Variants in TIAM2 observed in about 807,000 individuals in gnomAD.
TIAM2 encodes the protein TIAM Rac1 associated GEF 2.
Under a neutral mutation model 152.9 loss-of-function variants are expected in TIAM2, and 80 were observed. The ratio of observed to expected loss-of-function variants is 0.52; its 90% CI spans 0.44 to 0.63. The LOEUF is 0.63. Among genes scored for constraint, TIAM2 ranks in the 30% least tolerant of loss-of-function variants. The probability of loss-of-function intolerance (pLI) is 0.00; values close to 1 mark genes in which losing one functional copy is unlikely to be tolerated. For missense variants in TIAM2, 1,965 were observed against 2,120.1 expected, an observed-to-expected ratio of 0.93 and a Z score of 1.44; for synonymous variants, 804 against 838.0, an observed-to-expected ratio of 0.96 and a Z score of 0.70.
intron 9 of TIAM2, among the ~76,000 whole-genome samples, chr6:155,169,184 A>G (rs1163181481): frequency 6.6e-6 from 1 of 152,046 alleles, no homozygotes; most frequent in Non-Finnish European, 1.5e-5. Flanking sequence ...TTTAGTAGAC[A>G]TGGGGTTTCA....
At position 155,025,394 on chromosome 6, in the gene TIAM2, C is replaced by T. The variant is rs549082424; in HGVS notation, c.-209+29902C>T. ...ATTTTTAGTAGAGACGGGGTTTCACCGTGGTCTCAATCTCCTGACCTCGTG... is the reference window on the plus strand; with the variant it reads ...ATTTTTAGTAGAGACGGGGTTTCACTGTGGTCTCAATCTCCTGACCTCGTG... On this transcript the variant is annotated intron_variant, in intron 1 of 26. Coordinates refer to ENST00000682666, the MANE Select transcript of TIAM2 (RefSeq NM_012454.4). Among the ~76,000 whole-genome samples, 982 of 152,046 alleles carry T rather than the reference C, an allele frequency of 6.5e-3. 10 individuals are homozygous for T. Among genetic ancestry groups the T allele is most frequent in the Non-Finnish European group, 8.7e-3 (592 of 67,992 alleles).
chr6:155,002,673 T>TTTTATTTATTTATTTATTTATTTATTTA (rs140724297), intron 1 of TIAM2, among the ~76,000 whole-genome samples: 7,334 of 150,146 alleles, frequency 0.049, 313 homozygotes, highest in Admixed American at 0.13. Flanking sequence ...GCTTTGCTTG[T>TTTTATTTATTTATTTATTTATTTATTTA]TTTATTTATT....
chr6:155,108,224 C>T (rs544484172), intron 2 of TIAM2, among the ~76,000 whole-genome samples: 94 of 152,288 alleles, frequency 6.2e-4, no homozygotes, highest in African/African-American at 2.1e-3. Context: ...TCATCTCCAT[C>T]GGTGTATTGG....
Position 155,257,571 on chromosome 6 carries a change from A to AT in TIAM2, c.*455dup. On this transcript the variant is annotated 3_prime_UTR_variant, in exon 27 of 27. Coordinates refer to ENST00000682666, the MANE Select transcript of TIAM2 (RefSeq NM_012454.4). The stretch of plus-strand genomic sequence containing the variant: ...TAGGGGCAAAATGTGCAGATACTTC[A>AT]TTTTTGTAAGATAGATTGTAATAGA... The AT allele has an allele frequency of 2.8e-6, 1 of 361,248 alleles. No homozygotes were observed. Among genetic ancestry groups the AT allele is most frequent in the Non-Finnish European group, 4.5e-6 (1 of 222,864 alleles). The allele number at this position is 361,248 out of a possible 1,614,324, so 22.4% of individuals were successfully genotyped here. A position where few individuals can be genotyped will look rare whatever the true frequency, so the allele number is the denominator to read the frequency against.
intron 1 of TIAM2, among the ~76,000 whole-genome samples, chr6:155,065,882 A>G (rs1259638153): frequency 6.6e-6 from 1 of 152,188 alleles, no homozygotes; most frequent in Non-Finnish European, 1.5e-5. Flanking sequence ...GCACTGTTCA[A>G]GCCTGCTGGG....
chr6:155,100,332 G>A (rs1215930162), intron 2 of TIAM2, among the ~76,000 whole-genome samples: 1 of 152,214 alleles, frequency 6.6e-6, no homozygotes, highest in East Asian at 1.9e-4. Context: ...TTGCCTTGTT[G>A]AAGATGCCGG....
At chr6:155,245,836 T>A in intron 19 of TIAM2, 105 bp downstream of exon 19, 1 of 762,660 alleles carries the variant, frequency 1.3e-6, no homozygotes, top group Non-Finnish European at 2.1e-6. Flanking sequence ...ACAATTTTGA[T>A]GTATTAAGGT....
intron 14 of TIAM2, among the ~76,000 whole-genome samples, chr6:155,196,038 G>A (rs1781339366): frequency 6.6e-6 from 1 of 152,180 alleles, no homozygotes; most frequent in African/African-American, 2.4e-5. Flanking sequence ...TCTGACGAGT[G>A]ATTGGTAAGG....
At chr6:155,121,059 T>C (rs566461227) in intron 2 of TIAM2, among the ~76,000 whole-genome samples, 14 of 152,258 alleles carry the variant, frequency 9.2e-5, no homozygotes, top group African/African-American at 3.4e-4. Context: ...TTTGGAGGAA[T>C]TGATCAAAAT....
chr6:155,101,346 T>C (rs1257301490), intron 2 of TIAM2, among the ~76,000 whole-genome samples: 2 of 152,194 alleles, frequency 1.3e-5, no homozygotes, highest in Non-Finnish European at 2.9e-5. Context: ...TGCTTTTTCA[T>C]CAGAAACAGT....
At chr6:155,014,785 G>A (rs906197525) in intron 1 of TIAM2, among the ~76,000 whole-genome samples, 2 of 152,198 alleles carry the variant, frequency 1.3e-5, no homozygotes, top group African/African-American at 4.8e-5. Context: ...TAGGGCCAGA[G>A]CAGCAGAGGG....
chr6:155,130,222 C>G lies in TIAM2; in HGVS notation c.999C>G (p.Val333=), dbSNP rs1386246921. ...MGTHASLSNR[V]SFASDIDVPS... is the part of the protein sequence containing the mutation. ...CGCATGCCAGCCTGAGCAACCGTGT[C>G]TCTTTTGCTTCCGACATTGATGTGC... Residue 333 remains valine, a synonymous_variant, in exon 4 of 27, where the codon GTC becomes GTG. Transcript: ENST00000682666. The G allele has an allele frequency of 6.2e-7, 1 of 1,614,218 alleles. No individual in the cohort carries two copies. Among genetic ancestry groups the G allele is most frequent in the Non-Finnish European group, 8.5e-7 (1 of 1,180,040 alleles).
intron 7 of TIAM2, among the ~76,000 whole-genome samples, chr6:155,150,814 G>A (rs1441345849): frequency 1.3e-5 from 2 of 152,084 alleles, no homozygotes; most frequent in Admixed American, 6.5e-5. Context: ...TCCGGGCCGC[G>A]TTTTATAAGG....
chr6:155,024,473 G>A (rs558627288), intron 1 of TIAM2, among the ~76,000 whole-genome samples: 2 of 152,086 alleles, frequency 1.3e-5, no homozygotes, highest in South Asian at 4.1e-4. Context: ...CCATTTGGTG[G>A]CAGATGGGGT....
chr6:155,166,664 T>C (rs1384614776), intron 9 of TIAM2, among the ~76,000 whole-genome samples: 1 of 152,232 alleles, frequency 6.6e-6, no homozygotes, highest in Non-Finnish European at 1.5e-5. Context: ...AAGCACATGT[T>C]ATGTGAAATG....
intron 6 of TIAM2, 57 bp from the exon 7 acceptor site, chr6:155,148,053 G>GA: frequency 6.4e-7 from 1 of 1,570,894 alleles, no homozygotes; most frequent in South Asian, 1.1e-5. Context: ...TGCCATTTTG[G>GA]AGAGCACTTT....
intron 1 of TIAM2, among the ~76,000 whole-genome samples, chr6:155,041,191 A>G (rs1032263505): frequency 6.6e-6 from 1 of 152,220 alleles, no homozygotes; most frequent in African/African-American, 2.4e-5. Context: ...ATTAAGCTCC[A>G]TTACCATTCA....
intron 12 of TIAM2, among the ~76,000 whole-genome samples, 161 bp from the exon 13 acceptor site, chr6:155,182,064 TG>T (rs767524740): frequency 6.6e-5 from 10 of 152,238 alleles, no homozygotes; most frequent in Non-Finnish European, 1.3e-4. Context: ...TGTCTTTTTC[TG>T]CCCCTGCAAG....
At chr6:155,246,900 G>C (rs1783368718) in intron 19 of TIAM2, among the ~76,000 whole-genome samples, 1 of 152,242 alleles carries the variant, frequency 6.6e-6, no homozygotes, top group Non-Finnish European at 1.5e-5. Flanking sequence ...CAGAGTAGCT[G>C]CATTCCAAGC....
Sources: gnomAD v4.1 joint callset for allele counts (sites outside exome capture counted in the v4.1 genomes callset) on GRCh38, gnomAD v4.1.1 for gene constraint, MANE v1.5 for transcripts, NCBI Gene and HGNC (gene_info 2026-07-23, HGNC 2026-07-21) for gene names.